The following CCNE2 variants were observed in gnomAD, a reference collection of about 807,000 sequenced individuals.
CCNE2 encodes the protein cyclin E2, also known as G1/S-specific cyclin-E2.
A neutral mutation model predicts 56.8 loss-of-function variants in CCNE2; 18 were observed. The observed-to-expected ratio is 0.32, with a 90% CI of 0.22 to 0.47. The LOEUF (loss-of-function observed/expected upper bound fraction) is 0.47. CCNE2 is among the 20% of genes least tolerant of loss of function. The pLI, the probability that CCNE2 is intolerant of heterozygous loss-of-function variation, is 1.00. For missense variants in CCNE2, 371 were observed against 467.1 expected, an observed-to-expected ratio of 0.79 and a Z score of 1.90; for synonymous variants, 139 against 149.2, an observed-to-expected ratio of 0.93 and a Z score of 0.50.
chr8:94,883,680 T>G (rs1005893125), intron 9 of CCNE2: 18 of 234,874 alleles, frequency 7.7e-5, no homozygotes, highest in Non-Finnish European at 1.6e-4. Context: ...AAGTTCCATT[T>G]TAAGAAAGAT....
At chr8:94,883,536 C>G (rs1471817575) in intron 9 of CCNE2, among the ~76,000 whole-genome samples, 3 of 152,096 alleles carry the variant, frequency 2.0e-5, no homozygotes, top group African/African-American at 7.2e-5. Flanking sequence ...ATAAGGAGTA[C>G]CTTCATTTCT....
intron 5 of CCNE2, chr8:94,892,235 A>G: frequency 2.7e-6 from 1 of 366,276 alleles, no homozygotes; most frequent in Non-Finnish European, 5.2e-6. Context: ...TAAATAGATC[A>G]TCTACAGCAG....
chr8:94,884,671 AT>A (rs1205519315), intron 9 of CCNE2: 1 of 154,988 alleles, frequency 6.5e-6, no homozygotes, highest in African/African-American at 2.4e-5. Flanking sequence ...GTTCTAAAAA[AT>A]TTTTTTAACA....
rs1816805962 is a variant in CCNE2 at position 94,881,443 on chromosome 8, T to C, written c.*189A>G. On this transcript the variant is annotated 3_prime_UTR_variant, in exon 12 of 12. Coordinates refer to ENST00000308108, the MANE Select transcript of CCNE2 (RefSeq NM_057749.3). ...CAAGTCCTGCTGTTTCTTTAACAGC[T>C]AACATAGGAAATAATTAAATGTATT... is the stretch of plus-strand genomic sequence containing the variant. 1 of 583,466 alleles carries C rather than the reference T, an allele frequency of 1.7e-6. No homozygotes were observed. The allele number at this position is 583,466 out of a possible 1,614,324, so 36.1% of individuals were successfully genotyped here.
Position 94,880,796 on chromosome 8 carries a change from G to A in CCNE2, c.*836C>T. ...AAAAATTCCTTAGGGATATCTTAGAGTAGTAAAGTGACTTCCTCATATAAA... is the reference window on the plus strand; with the variant it reads ...AAAAATTCCTTAGGGATATCTTAGAATAGTAAAGTGACTTCCTCATATAAA... On this transcript the variant is annotated 3_prime_UTR_variant, in exon 12 of 12. Coordinates refer to ENST00000308108, the MANE Select transcript of CCNE2 (RefSeq NM_057749.3). 1 of 398,432 alleles carries A rather than the reference G, an allele frequency of 2.5e-6. No individual in the cohort carries two copies. The highest frequency in any genetic ancestry group is 4.4e-6 in the Non-Finnish European group (1 of 225,732). The allele number at this position is 398,432 out of a possible 1,614,324, so 24.7% of individuals were successfully genotyped here.
chr8:94,895,234 C>T (rs1298651077), upstream of CCNE2: 2 of 985,472 alleles, frequency 2.0e-6, no homozygotes, highest in Admixed American at 6.1e-5. Flanking sequence ...ATATATAGGC[C>T]GGGCCGGTCC....
At chr8:94,884,909 TA>T in intron 9 of CCNE2, 157 bp downstream of exon 9, 1 of 583,790 alleles carries the variant, frequency 1.7e-6, no homozygotes, top group Non-Finnish European at 2.9e-6. Context: ...TTAAGCAACA[TA>T]AACACTGGGG....
chr8:94,883,046 C>A (rs1456548934), intron 9 of CCNE2, among the ~76,000 whole-genome samples, 154 bp from the exon 10 acceptor site: 5 of 152,020 alleles, frequency 3.3e-5, no homozygotes, highest in Admixed American at 3.3e-4. Flanking sequence ...GAGGCCGAGG[C>A]GGGTGGATCA....
intron 6 of CCNE2, among the ~76,000 whole-genome samples, chr8:94,888,980 C>T (rs879919420): frequency 3.3e-5 from 5 of 152,248 alleles, no homozygotes; most frequent in Admixed American, 2.0e-4. Flanking sequence ...GAAACCGCAT[C>T]TCTATTAAAA....
intron 5 of CCNE2, 108 bp from the exon 6 acceptor site, chr8:94,890,658 TC>T (rs1307070378): frequency 7.5e-6 from 2 of 266,800 alleles, no homozygotes; most frequent in Admixed American, 5.8e-5. Context: ...AGCGGCACAA[TC>T]TTGGCTCACT....
intron 7 of CCNE2, among the ~76,000 whole-genome samples, chr8:94,886,507 GACC>G (rs1817046037): frequency 6.6e-6 from 1 of 152,162 alleles, no homozygotes; most frequent in South Asian, 2.1e-4. Flanking sequence ...AGGAGTTTAA[GACC>G]AGCGTGAGCA....
intron 7 of CCNE2, among the ~76,000 whole-genome samples, chr8:94,886,271 A>G (rs917962168): frequency 3.3e-5 from 5 of 152,232 alleles, no homozygotes; most frequent in Admixed American, 2.0e-4. Context: ...CTAGGTATCT[A>G]GTAACTATAT....
chr8:94,895,248 C>T, upstream of CCNE2: 1 of 985,732 alleles, frequency 1.0e-6, no homozygotes, highest in Non-Finnish European at 1.2e-6. Context: ...CCGGTCCCGC[C>T]CCGCACGCAT....
rs1303072507 is a variant in CCNE2, at chr8:94,894,249, T to G, written c.-26-2A>C. On this transcript the variant is annotated splice_acceptor_variant, in intron 1 of 11. Coordinates refer to ENST00000308108, the MANE Select transcript of CCNE2 (RefSeq NM_057749.3). LOFTEE classifies it low-confidence loss of function (5UTR_SPLICE). Reference sequence around the variant, plus strand: ...TCTTCTTTCAGGTGTATAAAACCTCTGAAGGGGGGAGAGGAAAAGCCGCAG... The same window carrying G: ...TCTTCTTTCAGGTGTATAAAACCTCGGAAGGGGGGAGAGGAAAAGCCGCAG... The G allele has an allele frequency of 6.2e-7, 1 of 1,613,294 alleles. No individual in the cohort carries two copies. The highest frequency in any genetic ancestry group is 8.5e-7 in the Non-Finnish European group (1 of 1,179,832).
intron 9 of CCNE2, among the ~76,000 whole-genome samples, chr8:94,883,270 C>T (rs1437599421): frequency 6.8e-6 from 1 of 146,940 alleles, no homozygotes; most frequent in Non-Finnish European, 1.5e-5. Context: ...AGCGAGACTC[C>T]GTCTCAAAAA....
chr8:94,883,033 T>G (rs541939320), intron 9 of CCNE2, 141 bp from the exon 10 acceptor site: 3 of 503,880 alleles, frequency 6.0e-6, no homozygotes. Context: ...CCCAGCACTT[T>G]GGGAGGCCGA....
intron 9 of CCNE2, chr8:94,883,957 C>G (rs1449748458): frequency 4.4e-6 from 2 of 453,966 alleles, no homozygotes; most frequent in Admixed American, 4.7e-5. Context: ...TGTTATATAC[C>G]TCTAGAAAGT....
chr8:94,885,043 T>C, intron 9 of CCNE2, 24 bp downstream of exon 9: 1 of 1,604,450 alleles, frequency 6.2e-7, no homozygotes, highest in Middle Eastern at 1.7e-4. Context: ...AACATTACCA[T>C]TGAATCAATA....
chr8:94,893,941 C>T lies in CCNE2; in HGVS notation c.115G>A (p.Val39Ile). The T allele has an allele frequency of 6.2e-7, 1 of 1,613,486 alleles. No individual in the cohort carries two copies. Among genetic ancestry groups the T allele is most frequent in the Non-Finnish European group, 8.5e-7 (1 of 1,179,696 alleles). The change falls in exon 4 of 12, where the codon GTC becomes ATC. Residue 39 changes from valine to isoleucine, a missense_variant. By Grantham distance (29) the Val-to-Ile change is conservative. Transcript: ENST00000308108. ...QAKKRKTTQDVKKRREEVTKK... is the reference protein window; with the variant it reads ...QAKKRKTTQDIKKRREEVTKK... ...GTGACCTCCTCTCTTCTTTTTTTGA[C>T]ATCCTGGAAAATAGAAAAGACCATT...
Sources: allele counts gnomAD v4.1 joint callset (sites outside exome capture counted in the v4.1 genomes callset), GRCh38; gene constraint gnomAD v4.1.1; transcripts MANE v1.5; gene names NCBI Gene and HGNC (gene_info 2026-07-23, HGNC 2026-07-21).